The following CD86 variants were observed in gnomAD, a reference collection of about 807,000 sequenced individuals.
CD86 encodes T-lymphocyte activation antigen CD86.
A neutral mutation model predicts 32.1 loss-of-function variants in CD86; 11 were observed. That is an observed-to-expected ratio of 0.34 (90% CI 0.22 to 0.57). CD86 has a LOEUF of 0.57. CD86 is among the 20% of genes least tolerant of loss of function. The pLI, the probability that CD86 is intolerant of heterozygous loss-of-function variation, is 0.86. For synonymous variants in CD86, 137 were observed against 135.3 expected (o/e 1.01, Z -0.09); for missense variants, 359 against 398.4 (o/e 0.90, Z 0.84).
Position 122,118,175 on chromosome 3 carries a change from A to G in CD86, c.893+82A>G, listed in dbSNP as rs1322720954. On this transcript the variant is annotated intron_variant, in intron 6 of 6. Transcript: ENST00000330540. The stretch of plus-strand genomic sequence containing the variant: ...TTACTTGAATAGGCTTATGCCTAAC[A>G]TATGTTGAGACCTCAGCAAACCTGA... The G allele has an allele frequency of 1.2e-5, 14 of 1,171,730 alleles. No individual in the cohort carries two copies. The South Asian group carries it at 1.5e-4, about 13-fold the overall frequency. The allele number at this position is 1,171,730 out of a possible 1,614,324, so 72.6% of individuals were successfully genotyped here.
chr3:122,089,549 T>C (rs1422014333), intron 1 of CD86, among the ~76,000 whole-genome samples: 1 of 152,242 alleles, frequency 6.6e-6, no homozygotes, highest in African/African-American at 2.4e-5. Context: ...CATTTCCTAT[T>C]GCTAAAGATC....
chr3:122,104,734 G>A (rs187118943), intron 3 of CD86, among the ~76,000 whole-genome samples: 34 of 152,226 alleles, frequency 2.2e-4, no homozygotes, highest in Middle Eastern at 3.4e-3. Flanking sequence ...TTCGTTTAGC[G>A]CGCCTTCGAG....
At position 122,119,644 on chromosome 3, in the gene CD86, A is replaced by G; in HGVS notation, c.*110A>G. 1.5e-6 allele frequency: 1 copy of G among 677,218 alleles called. No individual in the cohort carries two copies. The allele number at this position is 677,218 out of a possible 1,614,324, so 42.0% of individuals were successfully genotyped here. On this transcript the variant is annotated 3_prime_UTR_variant, in exon 7 of 7. Transcript: ENST00000330540. Reference sequence around the variant, plus strand: ...AAGGCAAAAAGACATTACCATGAGTAATAAGGGGGCTCCAGGACTCCCTCT... The same window carrying G: ...AAGGCAAAAAGACATTACCATGAGTGATAAGGGGGCTCCAGGACTCCCTCT...
chr3:122,088,524 T>C (rs1217471121), intron 1 of CD86, among the ~76,000 whole-genome samples: 3 of 152,132 alleles, frequency 2.0e-5, no homozygotes, highest in Non-Finnish European at 2.9e-5. Flanking sequence ...TTCCAGCCAA[T>C]AGATTTCAGA....
intron 4 of CD86, 135 bp downstream of exon 4, chr3:122,106,635 A>G: frequency 1.4e-6 from 1 of 738,618 alleles, no homozygotes. Flanking sequence ...AAGGACCCAG[A>G]TGGAGGTCTC....
Position 122,117,802 on chromosome 3 carries a change from G to C in CD86, c.848-246G>C, listed in dbSNP as rs1284032569. 2.0e-5 allele frequency among the ~76,000 whole-genome samples: 3 copies of C among 152,206 alleles called. No homozygotes were observed. In the East Asian group the frequency reaches 5.8e-4, roughly 29 times the overall value. ...TTGGTTAGCCAGGATAGAGATATAA[G>C]TGAAAAATCTATTTCCAGTGTTAGA... On this transcript the variant is annotated intron_variant, in intron 5 of 6. Transcript: ENST00000330540.
At chr3:122,073,147 G>A (rs1158461001) in intron 1 of CD86, among the ~76,000 whole-genome samples, 1 of 146,572 alleles carries the variant, frequency 6.8e-6, no homozygotes, top group Non-Finnish European at 1.5e-5. Flanking sequence ...TGGAGCAACA[G>A]GAAGCCTCAT....
chr3:122,109,384 C>T lies in CD86; in HGVS notation c.823C>T (p.Arg275Trp), dbSNP rs566906411. ...TCTATGGAAATGGAAGAAGAAGAAG[C>T]GGCCTCGCAACTCTTATAAATGTGG... ...LILWKWKKKK[R>W]PRNSYKCGTN... is the part of the protein sequence containing the mutation. Residue 275 changes from arginine to tryptophan, a missense_variant, in exon 5 of 7, where the codon CGG becomes TGG. Transcript: ENST00000330540. 4.1e-5 allele frequency: 66 copies of T among 1,613,904 alleles called. No individual in the cohort carries two copies. In the South Asian group the frequency reaches 5.9e-4, roughly 15 times the overall value.
At chr3:122,113,439 C>T (rs527308986) in intron 5 of CD86, among the ~76,000 whole-genome samples, 1 of 152,278 alleles carries the variant, frequency 6.6e-6, no homozygotes, top group African/African-American at 2.4e-5. Context: ...TACTGTTTTC[C>T]ATAGTGTTTG....
At chr3:122,091,492 C>T (rs565786492) in intron 1 of CD86, 109 bp from the exon 2 acceptor site, 225 of 857,750 alleles carry the variant, frequency 2.6e-4, no homozygotes, top group South Asian at 1.4e-3. Flanking sequence ...TCTGCACACC[C>T]GAGAACCCAA....
At chr3:122,103,997 G>A in intron 3 of CD86, 150 bp downstream of exon 3, 1 of 633,088 alleles carries the variant, frequency 1.6e-6, no homozygotes, top group South Asian at 2.0e-5. Flanking sequence ...TCTGGGAAGT[G>A]CATTTGAAGG....
chr3:122,110,415 C>A (rs2073155128), intron 5 of CD86, among the ~76,000 whole-genome samples: 1 of 152,110 alleles, frequency 6.6e-6, no homozygotes, highest in Non-Finnish European at 1.5e-5. Flanking sequence ...GTAATTGCCT[C>A]CAGTAGTAAT....
intron 1 of CD86, among the ~76,000 whole-genome samples, chr3:122,057,119 A>G (rs547841751): frequency 6.6e-6 from 1 of 152,344 alleles, no homozygotes; most frequent in East Asian, 1.9e-4. Flanking sequence ...CTATCTTGCT[A>G]AGAAGGGAGG....
intron 2 of CD86, among the ~76,000 whole-genome samples, chr3:122,099,042 G>A (rs1337998123): frequency 6.6e-6 from 1 of 152,216 alleles, no homozygotes; most frequent in Non-Finnish European, 1.5e-5. Context: ...GCACCTGGGA[G>A]TTATTAGCTT....
At chr3:122,078,413 G>C (rs190085711) in intron 1 of CD86, among the ~76,000 whole-genome samples, 2 of 152,150 alleles carry the variant, frequency 1.3e-5, no homozygotes, top group African/African-American at 4.8e-5. Context: ...ATGTCAGCTC[G>C]CCTCGCCTGA....
At chr3:122,098,793 C>T (rs2072949830) in intron 2 of CD86, among the ~76,000 whole-genome samples, 1 of 151,952 alleles carries the variant, frequency 6.6e-6, no homozygotes, top group African/African-American at 2.4e-5. Context: ...TTGTGTAGAG[C>T]CTCTGTTGGG....
intron 1 of CD86, among the ~76,000 whole-genome samples, chr3:122,080,477 G>A (rs2072617860): frequency 6.6e-6 from 1 of 152,010 alleles, no homozygotes; most frequent in African/African-American, 2.4e-5. Flanking sequence ...GCCAGTGAGG[G>A]GAACGCATTC....
chr3:122,086,739 C>A (rs909331799), intron 1 of CD86: 2 of 398,490 alleles, frequency 5.0e-6, no homozygotes, highest in Non-Finnish European at 1.0e-5. Flanking sequence ...GGGGCCCCTT[C>A]TTCTCCCACC....
intron 5 of CD86, among the ~76,000 whole-genome samples, chr3:122,116,932 C>T (rs1270280989): frequency 6.6e-6 from 1 of 151,958 alleles, no homozygotes; most frequent in African/African-American, 2.4e-5. Context: ...AAAATGTTCT[C>T]GATCTTGATT....
Sources: gnomAD v4.1 joint callset for allele counts (sites outside exome capture counted in the v4.1 genomes callset) on GRCh38, gnomAD v4.1.1 for gene constraint, MANE v1.5 for transcripts, NCBI Gene and HGNC (gene_info 2026-07-23, HGNC 2026-07-21) for gene names.